The following GAK variants were observed in gnomAD, a reference collection of about 807,000 sequenced individuals.
The protein encoded by GAK is cyclin G associated kinase.
Under a neutral mutation model 143.9 loss-of-function variants are expected in GAK, and 79 were observed. The observed-to-expected ratio is 0.55, with a 90% CI of 0.46 to 0.66. The LOEUF (loss-of-function observed/expected upper bound fraction) is 0.66, where lower values mean the gene tolerates loss of function less well. Among genes scored for constraint, GAK ranks in the 30% least tolerant of loss-of-function variants. GAK has a pLI of 0.00. For missense variants in GAK, 1,693 were observed against 1,779.7 expected (o/e 0.95, Z 0.88); for synonymous variants, 881 against 765.5 (o/e 1.15, Z -2.49).
At chr4:850,091 C>G in intron 26 of GAK, 23 bp from the exon 27 acceptor site, 1 of 1,542,840 alleles carries the variant, frequency 6.5e-7, no homozygotes, top group Non-Finnish European at 8.8e-7. Context: ...CGGAGCTTGC[C>G]GAGCCCTGGG....
At chr4:876,438 T>TC (rs1392592826) in intron 18 of GAK, 92 bp downstream of exon 18, 6 of 1,099,254 alleles carry the variant, frequency 5.5e-6, no homozygotes, top group Non-Finnish European at 4.2e-6. Flanking sequence ...AGCCCGCCAC[T>TC]CCCCCTGGGG....
intron 1 of GAK, among the ~76,000 whole-genome samples, chr4:918,693 G>C (rs1297918233): frequency 6.6e-6 from 1 of 152,214 alleles, no homozygotes; most frequent in African/African-American, 2.4e-5. Flanking sequence ...CAAAAAAAAG[G>C]AGGAACTAAA....
At chr4:901,078 C>T (rs1259693379) in intron 5 of GAK, among the ~76,000 whole-genome samples, 1 of 152,250 alleles carries the variant, frequency 6.6e-6, no homozygotes, top group Non-Finnish European at 1.5e-5. Flanking sequence ...CGTGAAGACA[C>T]CTGTGCTATA....
chr4:894,276 C>T lies in GAK; in HGVS notation c.742-267G>A, dbSNP rs1457194465. 3.7e-5 allele frequency: 14 copies of T among 376,276 alleles called. No homozygotes were observed. In the South Asian group the frequency reaches 4.1e-4, roughly 11 times the overall value. 23.3% of individuals were successfully genotyped at this position (376,276 alleles called of 1,614,324 possible). On this transcript the variant is annotated intron_variant, in intron 7 of 27. Coordinates refer to ENST00000314167, the MANE Select transcript of GAK (RefSeq NM_005255.4). ...GGGGAGCGCAGGGGTGACGTTGGGG[C>T]CGTGGGGAGCGCAGGGGTGACGCCT...
chr4:859,022 C>T (rs950538445), intron 24 of GAK, among the ~76,000 whole-genome samples: 2 of 152,246 alleles, frequency 1.3e-5, no homozygotes, highest in East Asian at 1.9e-4. Context: ...CCGCCGCCGA[C>T]GCTTCTTCTG....
At chr4:904,821 TCCGGAGACAGGGAA>T (rs779399178) in intron 4 of GAK, 42 bp from the exon 5 acceptor site, 109 of 1,601,222 alleles carry the variant, frequency 6.8e-5, no homozygotes, top group Non-Finnish European at 8.8e-5. Context: ...GAGAACAGGG[TCCGGAGACAGGGAA>T]CCTAGGGCTG....
At chr4:878,181 G>A (rs1421594423) in intron 15 of GAK, among the ~76,000 whole-genome samples, 1 of 152,112 alleles carries the variant, frequency 6.6e-6, no homozygotes, top group African/African-American at 2.4e-5. Context: ...ACAAGGTCAG[G>A]AGTTTGAGAC....
At position 849,644 on chromosome 4, in the gene GAK, C is replaced by T; in HGVS notation, c.*29G>A. 6.4e-7 allele frequency: 1 copy of T among 1,555,268 alleles called. No individual in the cohort carries two copies. The highest frequency in any genetic ancestry group is 8.8e-7 in the Non-Finnish European group (1 of 1,131,642). On this transcript the variant is annotated 3_prime_UTR_variant, in exon 28 of 28. Transcript: ENST00000314167. ...CCACGACGGCTCCCAACCTGTGGAG[C>T]TGTGTGCGCAGCCACCACCACTGCG...
intron 24 of GAK, among the ~76,000 whole-genome samples, chr4:854,033 G>A (rs1266216414): frequency 6.6e-6 from 1 of 151,874 alleles, no homozygotes; most frequent in African/African-American, 2.4e-5. Flanking sequence ...CCCGACCTCA[G>A]GTGATCCGCC....
At position 913,934 on chromosome 4, in the gene GAK, G is replaced by A. The variant is rs1281158837; in HGVS notation, c.146-266C>T. On this transcript the variant is annotated intron_variant, in intron 1 of 27. Coordinates refer to ENST00000314167, the MANE Select transcript of GAK (RefSeq NM_005255.4). Reference sequence around the variant, plus strand: ...CCCCACACACACACACAGCCCCAGCGTGCACGGCCCCACACACACACAGCC... The same window carrying A: ...CCCCACACACACACACAGCCCCAGCATGCACGGCCCCACACACACACAGCC... 4.2e-5 allele frequency: 13 copies of A among 307,578 alleles called. 1 individual carries two copies. The East Asian group carries it at 5.6e-4, about 13-fold the overall frequency. 19.1% of individuals were successfully genotyped at this position (307,578 alleles called of 1,614,324 possible). A position where few individuals can be genotyped will look rare whatever the true frequency, so the allele number is the denominator to read the frequency against.
At chr4:912,391 G>C in intron 3 of GAK, 1 of 374,336 alleles carries the variant, frequency 2.7e-6, no homozygotes. Context: ...CATCTGCACG[G>C]CTCTCAGCCA....
intron 26 of GAK, 117 bp downstream of exon 26, chr4:850,819 G>C: frequency 8.8e-7 from 1 of 1,140,946 alleles, no homozygotes. Flanking sequence ...TACAGCAGAT[G>C]CTCCAGGGGT....
chr4:929,871 A>C (rs1560456225), intron 1 of GAK, among the ~76,000 whole-genome samples: 1 of 152,260 alleles, frequency 6.6e-6, no homozygotes, highest in Non-Finnish European at 1.5e-5. Context: ...ATTTGGGATA[A>C]AACCTGACAT....
chr4:875,571 C>A (rs11732965), intron 18 of GAK, among the ~76,000 whole-genome samples: 12,894 of 152,322 alleles, frequency 0.085, 770 homozygotes, highest in South Asian at 0.18. Context: ...ACACAGCAGG[C>A]CCTGCAGCCA....
intron 15 of GAK, among the ~76,000 whole-genome samples, chr4:881,475 C>T (rs932269351): frequency 2.0e-5 from 3 of 152,210 alleles, no homozygotes; most frequent in African/African-American, 4.8e-5. Context: ...GAGCCTGCTG[C>T]GCGCTGAGGT....
intron 15 of GAK, among the ~76,000 whole-genome samples, chr4:878,818 C>T (rs1577131281): frequency 6.6e-6 from 1 of 152,206 alleles, no homozygotes; most frequent in African/African-American, 2.4e-5. Context: ...TGCCTCCCAC[C>T]TCGTGGCACC....
In GAK at chr4:850,142, C is replaced by A. The variant is rs534027782; in HGVS notation, c.3658-74G>T. ...CTCCTCTGCACCGCGGAAACTGAGG[C>A]ACGACGCTGAGGAAGTGCCTGGTCA... On this transcript the variant is annotated intron_variant, in intron 26 of 27. Coordinates refer to ENST00000314167, the MANE Select transcript of GAK (RefSeq NM_005255.4). The A allele has an allele frequency of 6.1e-5, 86 of 1,412,880 alleles. No individual in the cohort carries two copies. The African/African-American group carries it at 9.9e-4, about 16-fold the overall frequency. The allele number at this position is 1,412,880 out of a possible 1,614,324, so 87.5% of individuals were successfully genotyped here.
chr4:885,743 C>T (rs1350773088), intron 11 of GAK: 2 of 151,366 alleles, frequency 1.3e-5, no homozygotes, highest in Non-Finnish European at 2.9e-5. Context: ...GAGCCAGAAG[C>T]ACAAATGAAT....
rs576268783 is a variant in GAK, at chr4:880,361, A to C, written c.1661+1546T>G. Among the ~76,000 whole-genome samples the C allele has an allele frequency of 3.9e-5, 6 of 152,338 alleles. No homozygotes were observed. In the South Asian group the frequency reaches 1.0e-3, roughly 26 times the overall value. On this transcript the variant is annotated intron_variant, in intron 15 of 27. Coordinates refer to ENST00000314167, the MANE Select transcript of GAK (RefSeq NM_005255.4). ...TGCACTCTGCATGAGCGTCCTCAGC[A>C]CATCAATTAGTTACTTCAGTTTCCC...
Sources: allele counts gnomAD v4.1 joint callset (sites outside exome capture counted in the v4.1 genomes callset), GRCh38; gene constraint gnomAD v4.1.1; transcripts MANE v1.5; gene names NCBI Gene and HGNC (gene_info 2026-07-23, HGNC 2026-07-21).